RGMA: variants seen among roughly 807,000 people sequenced by gnomAD.
The protein encoded by RGMA is repulsive guidance molecule A.
In RGMA, 10 loss-of-function variants were observed where a neutral mutation model predicts 23.2. The observed-to-expected ratio is 0.43, with a 90% CI of 0.27 to 0.73. The LOEUF (loss-of-function observed/expected upper bound fraction) is 0.73. RGMA is among the 30% of genes least tolerant of loss of function. The pLI, the probability that RGMA is intolerant of heterozygous loss-of-function variation, is 0.20. For synonymous variants in RGMA, 308 were observed against 279.3 expected, an observed-to-expected ratio of 1.10 and a Z score of -1.03; for missense variants, 547 against 630.5, an observed-to-expected ratio of 0.87 and a Z score of 1.42.
At chr15:93,073,991 C>G (rs1895426534) in intron 1 of RGMA, 14 of 1,412,134 alleles carry the variant, frequency 9.9e-6, no homozygotes, top group Non-Finnish European at 1.2e-5. Flanking sequence ...AGTATGGTGA[C>G]CTTTCCTAAC....
At chr15:93,062,146 C>CA (rs1894987476) in intron 2 of RGMA, among the ~76,000 whole-genome samples, 1 of 152,150 alleles carries the variant, frequency 6.6e-6, no homozygotes, top group Non-Finnish European at 1.5e-5. Flanking sequence ...GCCCCAGGGT[C>CA]AAGCTGTTTT....
At chr15:93,053,952 G>C (rs1353538007) in intron 2 of RGMA, among the ~76,000 whole-genome samples, 1 of 152,132 alleles carries the variant, frequency 6.6e-6, no homozygotes, top group Non-Finnish European at 1.5e-5. Flanking sequence ...AAATTGCTGG[G>C]TATGGCAGCT....
At chr15:93,079,373 G>A (rs1895522329) in intron 1 of RGMA, among the ~76,000 whole-genome samples, 1 of 152,190 alleles carries the variant, frequency 6.6e-6, no homozygotes, top group Non-Finnish European at 1.5e-5. Context: ...CTCCAGGCCT[G>A]TTTCTGACTC....
chr15:93,049,547 A>T (rs1033509315), intron 3 of RGMA, among the ~76,000 whole-genome samples: 1 of 152,246 alleles, frequency 6.6e-6, no homozygotes, highest in African/African-American at 2.4e-5. Context: ...GTCCACGTAG[A>T]AAACACTAGA....
At chr15:93,077,798 C>G (rs1033471743) in intron 1 of RGMA, among the ~76,000 whole-genome samples, 1 of 152,236 alleles carries the variant, frequency 6.6e-6, no homozygotes, top group Non-Finnish European at 1.5e-5. Flanking sequence ...ACCTCCGCCT[C>G]CTGGGTTCAA....
intron 1 of RGMA, chr15:93,088,240 C>A: frequency 7.4e-6 from 7 of 941,614 alleles, no homozygotes; most frequent in Non-Finnish European, 7.6e-6. Flanking sequence ...CACACCCGCC[C>A]TCCCATTGAA....
chr15:93,073,742 C>T (rs1895418601), intron 1 of RGMA: 2 of 1,537,100 alleles, frequency 1.3e-6, no homozygotes, highest in South Asian at 2.4e-5. Context: ...CCCGTCGTGG[C>T]CCCAGGCCAC....
At chr15:93,072,449 G>A (rs1895358998) in intron 2 of RGMA, among the ~76,000 whole-genome samples, 1 of 152,228 alleles carries the variant, frequency 6.6e-6, no homozygotes, top group Non-Finnish European at 1.5e-5. Flanking sequence ...CGAGGTCTCC[G>A]GGGAGGGGGC....
chr15:93,076,404 T>C (rs1036656692), intron 1 of RGMA, among the ~76,000 whole-genome samples: 14 of 152,202 alleles, frequency 9.2e-5, no homozygotes, highest in Admixed American at 3.3e-4. Flanking sequence ...TGCTTCTAGG[T>C]ATGAACAGAG....
At position 93,045,809 on chromosome 15, in the gene RGMA, C is replaced by T. The variant is rs1413515109; in HGVS notation, c.646-104G>A. On this transcript the variant is annotated intron_variant, in intron 3 of 3. Coordinates refer to ENST00000329082, the MANE Select transcript of RGMA (RefSeq NM_020211.3). This position sits in a 1 kb window ranked among gnomAD's most constrained non-coding sequence, Gnocchi z 6.9. ...CTGAGAGGAGGGCAGGAAGGATCCCCAGGGATGCCCCAGACACTCCCTTCT... is the reference window on the plus strand; with the variant it reads ...CTGAGAGGAGGGCAGGAAGGATCCCTAGGGATGCCCCAGACACTCCCTTCT... 4 of 815,808 alleles carry T rather than the reference C, an allele frequency of 4.9e-6. No homozygotes were observed. In the African/African-American group the frequency reaches 6.7e-5, roughly 14 times the overall value. The allele number at this position is 815,808 out of a possible 1,614,324, so 50.5% of individuals were successfully genotyped here.
chr15:93,048,874 T>C (rs2054871784), intron 3 of RGMA, among the ~76,000 whole-genome samples: 1 of 81,560 alleles, frequency 1.2e-5, no homozygotes, highest in Non-Finnish European at 2.2e-5. Flanking sequence ...TGTCCCTGCC[T>C]GGTGTGCAGG....
At chr15:93,079,590 C>T (rs1895525718) in intron 1 of RGMA, among the ~76,000 whole-genome samples, 1 of 152,168 alleles carries the variant, frequency 6.6e-6, no homozygotes, top group African/African-American at 2.4e-5. Flanking sequence ...GAGGCCGAGG[C>T]GGGCCGATTA....
chr15:93,081,640 C>T (rs1444611096), intron 1 of RGMA, among the ~76,000 whole-genome samples: 4 of 152,158 alleles, frequency 2.6e-5, no homozygotes, highest in Admixed American at 6.5e-5. Context: ...CTGTCTGAAC[C>T]GACAGTGAGT....
At chr15:93,058,631 A>G (rs1337081530) in intron 2 of RGMA, among the ~76,000 whole-genome samples, 1 of 152,122 alleles carries the variant, frequency 6.6e-6, no homozygotes, top group East Asian at 1.9e-4. Flanking sequence ...TCCTCATTCA[A>G]CAGACAGGGA....
At chr15:93,075,780 C>T (rs572087183) in intron 1 of RGMA, among the ~76,000 whole-genome samples, 1 of 152,250 alleles carries the variant, frequency 6.6e-6, no homozygotes, top group East Asian at 1.9e-4. Context: ...CCCAGTCTTG[C>T]GACATGAGCA....
intron 3 of RGMA, among the ~76,000 whole-genome samples, chr15:93,051,542 G>GT (rs748588485): frequency 3.0e-4 from 46 of 151,730 alleles, no homozygotes; most frequent in Non-Finnish European, 5.6e-4. Context: ...GTCCATGGCT[G>GT]TGTGTGTGGC....
At chr15:93,074,032 T>C (rs1895427624) in intron 1 of RGMA, 1 of 1,374,958 alleles carries the variant, frequency 7.3e-7, no homozygotes, top group Non-Finnish European at 9.3e-7. Flanking sequence ...GAAAGAAACA[T>C]CTCCTTCCCA....
rs568544884 is a variant in RGMA, at chr15:93,038,735, T to A, written c.*6263A>T. ...GACTACAGGCGCCCACCACCACGCC[T>A]GGCTAATTTTTTGTATTTTTAGTAG... is the stretch of plus-strand genomic sequence containing the variant. On this transcript the variant is annotated 3_prime_UTR_variant, in exon 4 of 4. Transcript: ENST00000329082. The A allele has an allele frequency of 1.3e-5, 2 of 151,836 alleles. No individual in the cohort carries two copies. The highest frequency in any genetic ancestry group is 4.8e-5 in the African/African-American group (2 of 41,320). The allele number at this position is 151,836 out of a possible 1,614,324, so 9.4% of individuals were successfully genotyped here. A position where few individuals can be genotyped will look rare whatever the true frequency, so the allele number is the denominator to read the frequency against.
At chr15:93,050,336 C>T (rs1406319208) in intron 3 of RGMA, among the ~76,000 whole-genome samples, 1 of 152,188 alleles carries the variant, frequency 6.6e-6, no homozygotes, top group Non-Finnish European at 1.5e-5. Flanking sequence ...TGCCTGAAGC[C>T]AGCCACCGAC....
Sources: gnomAD v4.1 joint callset for allele counts (sites outside exome capture counted in the v4.1 genomes callset) on GRCh38, gnomAD v4.1.1 for gene constraint, Gnocchi (gnomAD v3.1) non-coding constraint, MANE v1.5 for transcripts, NCBI Gene and HGNC (gene_info 2026-07-23, HGNC 2026-07-21) for gene names.